Variants in KIF5C observed in about 807,000 individuals in gnomAD.
KIF5C encodes the protein kinesin heavy chain isoform 5C.
Under a neutral mutation model 125.2 loss-of-function variants are expected in KIF5C, and 18 were observed. The ratio of observed to expected loss-of-function variants is 0.14; its 90% CI spans 0.10 to 0.21. KIF5C has a LOEUF of 0.21. Ranked by LOEUF, KIF5C falls within the 10% of genes least tolerant of loss-of-function variation. The pLI is 1.00. For synonymous variants in KIF5C, 405 were observed against 434.0 expected, an observed-to-expected ratio of 0.93 and a Z score of 0.83; for missense variants, 780 against 1,183.8, an observed-to-expected ratio of 0.66 and a Z score of 5.01.
At chr2:149,021,716 C>CT (rs34201201) in intron 25 of KIF5C, among the ~76,000 whole-genome samples, 92 of 135,040 alleles carry the variant, frequency 6.8e-4, no homozygotes, top group East Asian at 2.7e-3. Context: ...TTACAGAGGG[C>CT]TTTTTTTTTT....
rs565376720 is a variant in KIF5C, at chr2:148,991,391, G to A, written c.1905+193G>A. Among the ~76,000 whole-genome samples, 168 of 152,216 alleles carry A rather than the reference G, an allele frequency of 1.1e-3. 1 individual carries two copies. The highest frequency in any genetic ancestry group is 0.01 in the Middle Eastern group (3 of 294). On this transcript the variant is annotated intron_variant, in intron 16 of 25. Transcript: ENST00000435030. ...TTGTTGTGTGAAATAGATGAATTCT[G>A]TTGAGTCCGTTCCCTTTTTCGAGGA...
At chr2:149,007,096 C>T (rs1682031723) in intron 22 of KIF5C, among the ~76,000 whole-genome samples, 1 of 152,184 alleles carries the variant, frequency 6.6e-6, no homozygotes, top group Non-Finnish European at 1.5e-5. Context: ...ACCCCAGGTC[C>T]ACTGAATCAG....
In KIF5C at chr2:149,010,462, C is replaced by T. The variant is rs1682155856; in HGVS notation, c.2767+111C>T. The T allele has an allele frequency of 4.8e-6, 7 of 1,446,284 alleles. No homozygotes were observed. In the Admixed American group the frequency reaches 1.1e-4, roughly 23 times the overall value. The allele number at this position is 1,446,284 out of a possible 1,614,324, so 89.6% of individuals were successfully genotyped here. A position where few individuals can be genotyped will look rare whatever the true frequency, so the allele number is the denominator to read the frequency against. On this transcript the variant is annotated intron_variant, in intron 24 of 25. Coordinates refer to ENST00000435030, the MANE Select transcript of KIF5C (RefSeq NM_004522.3). ...GGCCCACTCTGGAACATCTGAAAGG[C>T]TGGGTTGGAGCCCGCAGGACGCAGC...
intron 10 of KIF5C, among the ~76,000 whole-genome samples, chr2:148,952,822 G>T (rs1682698560): frequency 6.6e-6 from 1 of 152,142 alleles, no homozygotes; most frequent in African/African-American, 2.4e-5. Flanking sequence ...CGTGACCGAT[G>T]GCAGGCTATC....
chr2:148,895,692 G>T (rs935267707), intron 1 of KIF5C, among the ~76,000 whole-genome samples: 3 of 152,244 alleles, frequency 2.0e-5, no homozygotes, highest in Middle Eastern at 6.8e-3. Flanking sequence ...AGACTCAGTG[G>T]CTTAAGCAAC....
At chr2:148,904,448 G>C (rs1452492088) in intron 1 of KIF5C, among the ~76,000 whole-genome samples, 2 of 152,216 alleles carry the variant, frequency 1.3e-5, no homozygotes, top group Non-Finnish European at 2.9e-5. Flanking sequence ...ACATATATGA[G>C]GAGTGTCGTG....
chr2:148,887,405 G>GTGTGCTAA (rs1177362126), intron 1 of KIF5C, among the ~76,000 whole-genome samples: 4 of 151,686 alleles, frequency 2.6e-5, no homozygotes, highest in African/African-American at 9.7e-5. Flanking sequence ...TTTGATATAT[G>GTGTGCTAA]GAGAGTCTAT....
At chr2:148,918,997 A>T (rs2105077869) in intron 1 of KIF5C, among the ~76,000 whole-genome samples, 1 of 152,246 alleles carries the variant, frequency 6.6e-6, no homozygotes, top group East Asian at 1.9e-4. Context: ...GGACATATTG[A>T]ATGGTTCTTA....
At position 148,948,515 on chromosome 2, in the gene KIF5C, G is replaced by A. The variant is rs530186024; in HGVS notation, c.715-1324G>A. ...TGGAGTGGAGGCCTGCCTCTGCACA[G>A]TGTCAGTGGTTATTGCTAATGATAT... On this transcript the variant is annotated intron_variant, in intron 8 of 25. Coordinates refer to ENST00000435030, the MANE Select transcript of KIF5C (RefSeq NM_004522.3). Among the ~76,000 whole-genome samples the A allele has an allele frequency of 3.9e-5, 6 of 152,320 alleles. No individual in the cohort carries two copies. The East Asian group carries it at 1.2e-3, about 29-fold the overall frequency.
intron 1 of KIF5C, among the ~76,000 whole-genome samples, chr2:148,882,970 A>C (rs1232399058): frequency 1.3e-5 from 2 of 152,190 alleles, no homozygotes. Context: ...ACGTCTTTTG[A>C]AAAAAGTGAA....
intron 25 of KIF5C, among the ~76,000 whole-genome samples, chr2:149,021,627 T>A (rs1290274036): frequency 6.6e-6 from 1 of 151,462 alleles, no homozygotes; most frequent in East Asian, 1.9e-4. Context: ...GAATCTGAGA[T>A]ATTACCACAG....
chr2:149,000,164 C>A (rs1681808793), intron 19 of KIF5C: 4 of 361,424 alleles, frequency 1.1e-5, no homozygotes, highest in Admixed American at 8.8e-5. Flanking sequence ...TTATTTTTCC[C>A]CTGAAGCTCT....
intron 2 of KIF5C, among the ~76,000 whole-genome samples, chr2:148,928,169 C>CA (rs1179471217): frequency 2.0e-5 from 3 of 152,012 alleles, no homozygotes; most frequent in Non-Finnish European, 4.4e-5. Flanking sequence ...AAAACAAAAA[C>CA]AAACCAGCAT....
At chr2:149,003,831 AC>A (rs1358324232) in intron 21 of KIF5C, among the ~76,000 whole-genome samples, 2 of 152,216 alleles carry the variant, frequency 1.3e-5, no homozygotes, top group Non-Finnish European at 2.9e-5. Flanking sequence ...TGGGCCTTGG[AC>A]AAAGAACTGT....
At chr2:148,881,036 C>A (rs1342662885) in intron 1 of KIF5C, among the ~76,000 whole-genome samples, 2 of 149,890 alleles carry the variant, frequency 1.3e-5, no homozygotes, top group Non-Finnish European at 3.0e-5. Context: ...TAATTACTTA[C>A]CTCACAGGGT....
At chr2:148,932,662 G>A (rs1682205838) in intron 3 of KIF5C, among the ~76,000 whole-genome samples, 1 of 152,214 alleles carries the variant, frequency 6.6e-6, no homozygotes, top group African/African-American at 2.4e-5. Flanking sequence ...TCTGCACACT[G>A]ATATAGATGG....
chr2:148,928,269 G>GT (rs1391953948), intron 2 of KIF5C, among the ~76,000 whole-genome samples: 2 of 152,130 alleles, frequency 1.3e-5, no homozygotes, highest in African/African-American at 4.8e-5. Context: ...GCCTGGCTTG[G>GT]TTTTTTACAT....
chr2:148,946,065 A>G lies in KIF5C; in HGVS notation c.590-834A>G, dbSNP rs145605476. Among the ~76,000 whole-genome samples the G allele has an allele frequency of 3.3e-5, 5 of 152,104 alleles. No individual in the cohort carries two copies. In the East Asian group the frequency reaches 9.6e-4, roughly 29 times the overall value. Reference sequence around the variant, plus strand: ...CTAAGTAGTTTATTCTTTTTTTGCTATTATAAATAAGGTTGTTTTCTTAAT... The same window carrying G: ...CTAAGTAGTTTATTCTTTTTTTGCTGTTATAAATAAGGTTGTTTTCTTAAT... On this transcript the variant is annotated intron_variant, in intron 7 of 25. Coordinates refer to ENST00000435030, the MANE Select transcript of KIF5C (RefSeq NM_004522.3).
At chr2:149,002,973 C>T (rs952094853) in intron 21 of KIF5C, among the ~76,000 whole-genome samples, 1 of 152,202 alleles carries the variant, frequency 6.6e-6, no homozygotes, top group African/African-American at 2.4e-5. Context: ...CCACGCTGGG[C>T]GCGGTTCCAT....
Sources: gnomAD v4.1 joint callset for allele counts (sites outside exome capture counted in the v4.1 genomes callset) on GRCh38, gnomAD v4.1.1 for gene constraint, MANE v1.5 for transcripts, NCBI Gene and HGNC (gene_info 2026-07-23, HGNC 2026-07-21) for gene names.